FNTA: variants seen among roughly 807,000 people sequenced by gnomAD.
The protein encoded by FNTA is protein farnesyltransferase/geranylgeranyltransferase type-1 subunit alpha.
A neutral mutation model predicts 55.2 loss-of-function variants in FNTA; 27 were observed. The observed-to-expected ratio is 0.49, with a 90% CI of 0.36 to 0.67. The LOEUF (loss-of-function observed/expected upper bound fraction) is 0.67, where lower values mean the gene tolerates loss of function less well. Ranked by LOEUF, FNTA falls within the 30% of genes least tolerant of loss-of-function variation. The pLI, the probability that FNTA is intolerant of heterozygous loss-of-function variation, is 0.00. For missense variants in FNTA, 422 were observed against 464.7 expected (o/e 0.91, Z 0.85); for synonymous variants, 176 against 170.7 (o/e 1.03, Z -0.24).
chr8:43,072,177 T>G lies in FNTA; in HGVS notation c.507-4T>G, dbSNP rs775815792. The G allele has an allele frequency of 6.6e-7, 1 of 1,519,162 alleles. No individual in the cohort carries two copies. Among genetic ancestry groups the G allele is most frequent in the South Asian group, 1.3e-5 (1 of 77,700 alleles). The allele number at this position is 1,519,162 out of a possible 1,614,324, so 94.1% of individuals were successfully genotyped here. ...AAAACTTCTCTCCCTTCTTTGGGCT[T>G]TAGGCATCATAGGCGAGTATTAGTG... On this transcript the variant is annotated splice_polypyrimidine_tract_variant and splice_region_variant and intron_variant, in intron 4 of 8. Coordinates refer to ENST00000302279, the MANE Select transcript of FNTA (RefSeq NM_002027.3).
In FNTA at chr8:43,084,791, C is replaced by A. The variant is rs2230266; in HGVS notation, c.927C>A (p.Pro309=). ...ATTTACAACCAAGTCATAGTTCCCC[C>A]TACCTAATTGCCTTTCTTGTGGATA... The part of the protein sequence containing the change: ...LLDLQPSHSS[P]YLIAFLVDIY... Residue 309 remains proline (P), a synonymous_variant, in exon 8 of 9, where the codon CCC becomes CCA. Transcript: ENST00000302279. 5,416 of 1,613,296 alleles carry A rather than the reference C, an allele frequency of 3.4e-3. 159 individuals carry two copies. In the African/African-American group the frequency reaches 0.066, roughly 20 times the overall value.
intron 2 of FNTA, 57 bp from the exon 3 acceptor site, chr8:43,064,044 T>G (rs1810596814): frequency 9.7e-7 from 1 of 1,030,958 alleles, no homozygotes; most frequent in Middle Eastern, 2.2e-4. Context: ...ACATTATACA[T>G]TATAGTGCTA....
chr8:43,058,669 C>T (rs1345512442), intron 1 of FNTA, among the ~76,000 whole-genome samples: 3 of 151,968 alleles, frequency 2.0e-5, no homozygotes, highest in Non-Finnish European at 4.4e-5. Context: ...CCCAGCTACT[C>T]GGGAGGCTGA....
intron 5 of FNTA, among the ~76,000 whole-genome samples, chr8:43,075,732 C>G (rs1264825524): frequency 6.6e-6 from 1 of 152,174 alleles, no homozygotes; most frequent in African/African-American, 2.4e-5. Context: ...AAGAATATCG[C>G]TTGAGTCTGG....
chr8:43,079,523 C>G (rs1391457591), intron 6 of FNTA: 1 of 146,570 alleles, frequency 6.8e-6, no homozygotes, highest in African/African-American at 2.5e-5. Flanking sequence ...GTCTGTTGTT[C>G]AGAAAAATTT....
chr8:43,083,316 T>A (rs1027054171), intron 7 of FNTA, 136 bp downstream of exon 7: 1 of 554,964 alleles, frequency 1.8e-6, no homozygotes, highest in African/African-American at 2.0e-5. Flanking sequence ...AGCAGAAGTA[T>A]AACAGCATTA....
At chr8:43,077,777 C>G (rs892602894) in intron 6 of FNTA, 1 of 153,288 alleles carries the variant, frequency 6.5e-6, no homozygotes, top group African/African-American at 2.4e-5. Flanking sequence ...GGCCTTAAAA[C>G]AAAAATGTTT....
At chr8:43,056,892 CTG>C (rs1434886964) in intron 1 of FNTA, 1 of 152,960 alleles carries the variant, frequency 6.5e-6, no homozygotes, top group Non-Finnish European at 1.5e-5. Flanking sequence ...TCCCAGAACG[CTG>C]TGTCGCTAAC....
At chr8:43,082,612 G>T (rs1479400333) in intron 6 of FNTA, 1 of 152,032 alleles carries the variant, frequency 6.6e-6, no homozygotes, top group Non-Finnish European at 1.5e-5. Flanking sequence ...TTAGTTTTGT[G>T]TCCTTCCCTA....
In FNTA at chr8:43,085,477, A is replaced by G. The variant is rs755916862; in HGVS notation, c.*195A>G. 1.6e-5 allele frequency: 9 copies of G among 551,930 alleles called. No individual in the cohort carries two copies. The highest frequency in any genetic ancestry group is 2.9e-5 in the Non-Finnish European group (9 of 315,320). The allele number at this position is 551,930 out of a possible 1,614,324, so 34.2% of individuals were successfully genotyped here. A position where few individuals can be genotyped will look rare whatever the true frequency, so the allele number is the denominator to read the frequency against. ...GCTCTAAGTAATGTGATTCTTCTAA[A>G]GCAAAGTCATTGGATGGGAGGAGGA... is the stretch of plus-strand genomic sequence containing the variant. On this transcript the variant is annotated 3_prime_UTR_variant, in exon 9 of 9. Coordinates refer to ENST00000302279, the MANE Select transcript of FNTA (RefSeq NM_002027.3).
At chr8:43,077,019 G>A (rs1482171877) in intron 5 of FNTA, 197 bp from the exon 6 acceptor site, 4 of 417,996 alleles carry the variant, frequency 9.6e-6, no homozygotes, top group African/African-American at 2.1e-5. Context: ...TTCTGTATGT[G>A]TCTTTCCAGG....
At chr8:43,063,563 C>T (rs888810298) in intron 2 of FNTA, among the ~76,000 whole-genome samples, 2 of 151,842 alleles carry the variant, frequency 1.3e-5, no homozygotes, top group African/African-American at 4.8e-5. Context: ...ATCTCGTTTG[C>T]ATAAAAATGA....
chr8:43,082,324 C>G (rs753935281), intron 6 of FNTA: 1 of 152,144 alleles, frequency 6.6e-6, no homozygotes, highest in South Asian at 2.1e-4. Context: ...ATAAGAAATA[C>G]ATTCTTGTGT....
chr8:43,070,232 T>C (rs1232745929), intron 4 of FNTA: 1 of 151,458 alleles, frequency 6.6e-6, no homozygotes, highest in African/African-American at 2.4e-5. Context: ...CACTTGAACC[T>C]GGGAGGTGGA....
Position 43,056,535 on chromosome 8 carries a change from T to C in FNTA, c.189T>C (p.Tyr63=), listed in dbSNP as rs1018442471. 1.7e-5 allele frequency: 26 copies of C among 1,513,844 alleles called. No individual in the cohort carries two copies. The highest frequency in any genetic ancestry group is 1.1e-4 in the Admixed American group (5 of 46,918). 93.8% of individuals were successfully genotyped at this position (1,513,844 alleles called of 1,614,324 possible). ...DGFVSLDSPS[Y]VLYRDRAEWA... is the part of the protein sequence containing the mutation. ...TTGTGAGCCTGGACTCGCCCTCCTA[T>C]GTCCTGTACAGGTAACGCCCCCGCG... Residue 63 remains tyrosine, a synonymous_variant, in exon 1 of 9, where the codon TAT becomes TAC. Transcript: ENST00000302279.
intron 4 of FNTA, among the ~76,000 whole-genome samples, chr8:43,070,769 A>G (rs1810771177): frequency 6.6e-6 from 1 of 152,248 alleles, no homozygotes; most frequent in Non-Finnish European, 1.5e-5. Context: ...ATCCCAGTTA[A>G]CTAATCACTT....
chr8:43,069,832 C>T lies in FNTA; in HGVS notation c.506+173C>T, dbSNP rs866848968. On this transcript the variant is annotated intron_variant, in intron 4 of 8. Coordinates refer to ENST00000302279, the MANE Select transcript of FNTA (RefSeq NM_002027.3). ...GCTAATTTTGTATTTTTAGTAGAGA[C>T]GGGGTTTTGCCATGTTGGCCAGGCT... is the stretch of plus-strand genomic sequence containing the variant. Among the ~76,000 whole-genome samples the T allele has an allele frequency of 4.6e-5, 7 of 151,892 alleles. 1 individual carries two copies. The highest frequency in any genetic ancestry group is 4.2e-4 in the South Asian group (2 of 4,810).
chr8:43,056,654 T>A, intron 1 of FNTA, 108 bp downstream of exon 1: 2 of 646,146 alleles, frequency 3.1e-6, no homozygotes, highest in Non-Finnish European at 4.3e-6. Flanking sequence ...GAAGTTCCCG[T>A]GGCGCCGCGT....
At chr8:43,084,510 A>G (rs951190545) in intron 7 of FNTA, 200 bp from the exon 8 acceptor site, 1 of 451,404 alleles carries the variant, frequency 2.2e-6, no homozygotes, top group African/African-American at 2.0e-5. Flanking sequence ...GAGCCACTGC[A>G]CCTGGCCAGC....
Sources: gnomAD v4.1 joint callset for allele counts (sites outside exome capture counted in the v4.1 genomes callset) on GRCh38, gnomAD v4.1.1 for gene constraint, MANE v1.5 for transcripts, NCBI Gene and HGNC (gene_info 2026-07-23, HGNC 2026-07-21) for gene names.